The following PACSIN2 variants were observed in gnomAD, a reference collection of about 807,000 sequenced individuals.
The protein encoded by PACSIN2 is protein kinase C and casein kinase substrate in neurons 2, also known as protein kinase C and casein kinase substrate in neurons protein 2.
PACSIN2 carries 25 observed loss-of-function variants against 63.8 expected under a neutral mutation model. That is an observed-to-expected ratio of 0.39 (90% CI 0.29 to 0.55). PACSIN2 has a LOEUF of 0.55. PACSIN2 is among the 20% of genes least tolerant of loss of function. The pLI, the probability that PACSIN2 is intolerant of heterozygous loss-of-function variation, is 0.62. For missense variants in PACSIN2, 518 were observed against 646.9 expected (o/e 0.80, Z 2.16); for synonymous variants, 255 against 256.2 (o/e 1.00, Z 0.05).
At chr22:42,993,185 GGAA>G (rs1038380564) in intron 1 of PACSIN2, among the ~76,000 whole-genome samples, 14 of 151,222 alleles carry the variant, frequency 9.3e-5, no homozygotes, top group African/African-American at 2.2e-4. Context: ...AAAAAAAAAA[GGAA>G]GAAGAAGAAT....
At chr22:42,927,478 G>GAT (rs2146765327) in intron 1 of PACSIN2, among the ~76,000 whole-genome samples, 1 of 151,740 alleles carries the variant, frequency 6.6e-6, no homozygotes, top group Non-Finnish European at 1.5e-5. Flanking sequence ...CAAACTTCTG[G>GAT]CCTCAAGTGA....
chr22:42,946,743 G>A (rs558852897), intron 1 of PACSIN2, among the ~76,000 whole-genome samples: 5 of 152,300 alleles, frequency 3.3e-5, no homozygotes, highest in African/African-American at 1.2e-4. Context: ...GGACTTCAGA[G>A]CACATGAGGA....
At chr22:42,910,202 C>G (rs1319635036) in intron 2 of PACSIN2, among the ~76,000 whole-genome samples, 1 of 152,168 alleles carries the variant, frequency 6.6e-6, no homozygotes, top group Non-Finnish European at 1.5e-5. Context: ...CAAGGAAGGG[C>G]CTTTTGAGTG....
At chr22:42,975,457 A>AATACATATAT (rs1921625969) in intron 1 of PACSIN2, among the ~76,000 whole-genome samples, 1 of 140,734 alleles carries the variant, frequency 7.1e-6, no homozygotes, top group African/African-American at 2.8e-5. Flanking sequence ...AATATATACA[A>AATACATATAT]ATATATATAT....
At chr22:42,890,355 T>G (rs1007246368) in intron 4 of PACSIN2, among the ~76,000 whole-genome samples, 4 of 152,212 alleles carry the variant, frequency 2.6e-5, no homozygotes, top group Admixed American at 2.0e-4. Context: ...GTACTGTTAG[T>G]GGTTAAGAGC....
At chr22:42,929,726 C>T (rs1339724828) in intron 1 of PACSIN2, among the ~76,000 whole-genome samples, 2 of 152,218 alleles carry the variant, frequency 1.3e-5, no homozygotes, top group East Asian at 1.9e-4. Flanking sequence ...GAGTGACCCG[C>T]CACCCGGGGC....
intron 3 of PACSIN2, among the ~76,000 whole-genome samples, chr22:42,891,477 T>C (rs1602193150): frequency 1.3e-5 from 2 of 152,272 alleles, no homozygotes; most frequent in South Asian, 2.1e-4. Context: ...CTTGGCTCAC[T>C]GCAAACTCTG....
In PACSIN2 at chr22:42,888,811, T is replaced by C; in HGVS notation, c.454-13A>G. On this transcript the variant is annotated splice_polypyrimidine_tract_variant and intron_variant, in intron 4 of 10. Transcript: ENST00000263246. ...TTGCTGCTTCTACCTACAGGGAGAA[T>C]GAGTTCCTGAATGCCATGTCACTGG... 1.2e-6 allele frequency: 2 copies of C among 1,613,770 alleles called. No individual in the cohort carries two copies. The highest frequency in any genetic ancestry group is 1.7e-6 in the Non-Finnish European group (2 of 1,179,702).
At position 42,956,884 on chromosome 22, in the gene PACSIN2, A is replaced by T. The variant is rs148353416; in HGVS notation, c.-77-44727T>A. Among the ~76,000 whole-genome samples, 3 of 152,344 alleles carry T rather than the reference A, an allele frequency of 2.0e-5. No individual in the cohort carries two copies. The East Asian group carries it at 5.8e-4, about 29-fold the overall frequency. ...CTAATGTGGGCAGAAGCTAGAGGCC[A>T]GGGAGGGAAGCATATCAAATGTTAC... On this transcript the variant is annotated intron_variant, in intron 1 of 10. Coordinates refer to ENST00000263246, the MANE Select transcript of PACSIN2 (RefSeq NM_001184970.3).
intron 1 of PACSIN2, among the ~76,000 whole-genome samples, chr22:42,977,974 G>A (rs1396677671): frequency 6.6e-6 from 1 of 152,124 alleles, no homozygotes; most frequent in African/African-American, 2.4e-5. Flanking sequence ...TAATACAGGG[G>A]TACTCATACA....
At chr22:42,939,171 AC>A (rs970883049) in intron 1 of PACSIN2, among the ~76,000 whole-genome samples, 4 of 151,746 alleles carry the variant, frequency 2.6e-5, no homozygotes, top group Admixed American at 6.6e-5. Flanking sequence ...TGTCCCCAAA[AC>A]TCGTTTATCT....
At chr22:42,909,823 T>A (rs1186633073) in intron 2 of PACSIN2, among the ~76,000 whole-genome samples, 2 of 152,182 alleles carry the variant, frequency 1.3e-5, no homozygotes, top group Non-Finnish European at 2.9e-5. Context: ...GCTACATAAT[T>A]TTCCCAGCAG....
chr22:42,900,391 G>T (rs573628078), intron 2 of PACSIN2, among the ~76,000 whole-genome samples: 2 of 152,302 alleles, frequency 1.3e-5, no homozygotes, highest in South Asian at 4.1e-4. Context: ...GCCAGGCAGG[G>T]TACTGACAGT....
chr22:42,951,648 C>G (rs1010838898), intron 1 of PACSIN2, among the ~76,000 whole-genome samples: 1 of 152,214 alleles, frequency 6.6e-6, no homozygotes, highest in Non-Finnish European at 1.5e-5. Context: ...CCTCTCATGT[C>G]CACATAACAT....
intron 1 of PACSIN2, among the ~76,000 whole-genome samples, chr22:42,916,668 C>T (rs1224051286): frequency 6.6e-6 from 1 of 152,130 alleles, no homozygotes; most frequent in African/African-American, 2.4e-5. Context: ...TATGGCTCCT[C>T]CCATCCCTCC....
rs1928157762 is a variant in PACSIN2 at position 42,871,810 on chromosome 22, G to A, written c.1349-341C>T. On this transcript the variant is annotated intron_variant, in intron 10 of 10. Coordinates refer to ENST00000263246, the MANE Select transcript of PACSIN2 (RefSeq NM_001184970.3). The surrounding 1 kb of genome is among the most constrained non-coding windows in gnomAD (Gnocchi z 5.4). ...AGGTGGCAGGAATCGTCCCTCGGTT[G>A]TGCCCCTCCCTCACGTTGGGCCTCT... Among the ~76,000 whole-genome samples, 1 of 151,992 alleles carries A rather than the reference G, an allele frequency of 6.6e-6. No individual in the cohort carries two copies. Among genetic ancestry groups the A allele is most frequent in the East Asian group, 1.9e-4 (1 of 5,168 alleles).
chr22:42,963,199 G>A (rs757968644), intron 1 of PACSIN2, among the ~76,000 whole-genome samples: 2 of 152,242 alleles, frequency 1.3e-5, no homozygotes, highest in Non-Finnish European at 2.9e-5. Flanking sequence ...CAAGGTCCCT[G>A]CCCCGGCCCA....
intron 1 of PACSIN2, among the ~76,000 whole-genome samples, chr22:42,940,408 T>C (rs1368722462): frequency 1.3e-5 from 2 of 152,196 alleles, no homozygotes; most frequent in Admixed American, 1.3e-4. Flanking sequence ...TGAGTAACAC[T>C]GTTCCTGTCA....
intron 2 of PACSIN2, among the ~76,000 whole-genome samples, chr22:42,898,044 G>A (rs1026301151): frequency 1.3e-5 from 2 of 152,046 alleles, no homozygotes; most frequent in African/African-American, 4.8e-5. Flanking sequence ...CAGAAGGCTG[G>A]CGGGGGTGGG....
Sources: gnomAD v4.1 joint callset for allele counts (sites outside exome capture counted in the v4.1 genomes callset) on GRCh38, gnomAD v4.1.1 for gene constraint, Gnocchi (gnomAD v3.1) non-coding constraint, MANE v1.5 for transcripts, NCBI Gene and HGNC (gene_info 2026-07-23, HGNC 2026-07-21) for gene names.